Variants in FAM13A observed in about 807,000 individuals in gnomAD.
FAM13A encodes family with sequence similarity 13 member A.
In FAM13A, 76 loss-of-function variants were observed where a neutral mutation model predicts 129.6. The observed-to-expected ratio is 0.59, with a 90% CI of 0.49 to 0.71. The LOEUF (loss-of-function observed/expected upper bound fraction) is 0.71, where lower values mean the gene tolerates loss of function less well. Ranked by LOEUF, FAM13A falls within the 30% of genes least tolerant of loss-of-function variation. The probability of loss-of-function intolerance (pLI) is 0.00; values close to 1 mark genes in which losing one functional copy is unlikely to be tolerated. For synonymous variants in FAM13A, 443 were observed against 449.9 expected (o/e 0.98, Z 0.20); for missense variants, 1,108 against 1,249.3 (o/e 0.89, Z 1.70).
At chr4:88,871,670 T>C (rs1357386778) in intron 6 of FAM13A, among the ~76,000 whole-genome samples, 2 of 152,176 alleles carry the variant, frequency 1.3e-5, no homozygotes, top group Non-Finnish European at 2.9e-5. Context: ...CTACGTTTGA[T>C]TGGTGTATCT....
chr4:88,875,802 A>T (rs1579069948), intron 6 of FAM13A, among the ~76,000 whole-genome samples: 1 of 152,316 alleles, frequency 6.6e-6, no homozygotes, highest in Non-Finnish European at 1.5e-5. Context: ...TATATACCCA[A>T]AGGATTATAA....
chr4:88,908,520 G>A (rs1579222344), intron 5 of FAM13A, among the ~76,000 whole-genome samples: 1 of 152,236 alleles, frequency 6.6e-6, no homozygotes, highest in East Asian at 1.9e-4. Context: ...AAACAGAAGT[G>A]ACAGTATTTC....
intron 4 of FAM13A, among the ~76,000 whole-genome samples, chr4:88,982,614 A>G (rs1310280797): frequency 3.3e-5 from 5 of 152,198 alleles, no homozygotes; most frequent in African/African-American, 1.2e-4. Context: ...TGCTATCCAA[A>G]CCACTGAAAA....
chr4:88,916,638 G>A (rs910447789), intron 5 of FAM13A, among the ~76,000 whole-genome samples: 3 of 152,050 alleles, frequency 2.0e-5, no homozygotes, highest in African/African-American at 7.2e-5. Context: ...TCTGACTCAG[G>A]GCCTTTGTAC....
intron 5 of FAM13A, among the ~76,000 whole-genome samples, chr4:88,918,347 A>C (rs1261037120): frequency 6.6e-6 from 1 of 152,232 alleles, no homozygotes; most frequent in Non-Finnish European, 1.5e-5. Context: ...TTTGATCTTC[A>C]CAACAACCCT....
At chr4:88,914,571 A>T (rs2148684199) in intron 5 of FAM13A, among the ~76,000 whole-genome samples, 1 of 152,218 alleles carries the variant, frequency 6.6e-6, no homozygotes, top group East Asian at 1.9e-4. Flanking sequence ...ATTCATTCTT[A>T]TCTTTCAGCT....
chr4:88,830,680 A>G (rs1200479253), intron 7 of FAM13A, among the ~76,000 whole-genome samples: 1 of 152,154 alleles, frequency 6.6e-6, no homozygotes, highest in Non-Finnish European at 1.5e-5. Context: ...CTATCTGAGT[A>G]GGCTTGCTGG....
Position 88,924,960 on chromosome 4 carries a change from A to G in FAM13A, c.759+13128T>C, listed in dbSNP as rs796808914. Among the ~76,000 whole-genome samples, 5 of 151,636 alleles carry G rather than the reference A, an allele frequency of 3.3e-5. No individual in the cohort carries two copies. In the South Asian group the frequency reaches 8.4e-4, roughly 25 times the overall value. On this transcript the variant is annotated intron_variant, in intron 5 of 23. Transcript: ENST00000264344. Reference sequence around the variant, plus strand: ...CCAAAAGACACATGAAAAAATGCTCATCATCACTGGCCATCAGAGAAATGC... The same window carrying G: ...CCAAAAGACACATGAAAAAATGCTCGTCATCACTGGCCATCAGAGAAATGC...
intron 1 of FAM13A, among the ~76,000 whole-genome samples, chr4:89,043,113 G>T (rs1176299585): frequency 6.6e-6 from 1 of 152,192 alleles, no homozygotes; most frequent in Non-Finnish European, 1.5e-5. Flanking sequence ...AGGACCAGCA[G>T]TGGAAAGCTT....
intron 10 of FAM13A, among the ~76,000 whole-genome samples, chr4:88,783,171 A>G (rs1723281508): frequency 6.6e-6 from 1 of 152,100 alleles, no homozygotes; most frequent in South Asian, 2.1e-4. Context: ...TGTATAATTA[A>G]TTTATTTTTT....
At chr4:88,984,979 T>C (rs1410735056) in intron 4 of FAM13A, among the ~76,000 whole-genome samples, 1 of 152,118 alleles carries the variant, frequency 6.6e-6, no homozygotes, top group Non-Finnish European at 1.5e-5. Flanking sequence ...ACACATGACA[T>C]GTACACAAAT....
intron 10 of FAM13A, among the ~76,000 whole-genome samples, chr4:88,784,329 G>A (rs977457036): frequency 6.6e-6 from 1 of 152,132 alleles, no homozygotes; most frequent in Non-Finnish European, 1.5e-5. Flanking sequence ...GAAGACTTCA[G>A]GGGCACTTTA....
chr4:88,875,839 C>T (rs1298678100), intron 6 of FAM13A, among the ~76,000 whole-genome samples: 1 of 152,126 alleles, frequency 6.6e-6, no homozygotes, highest in Non-Finnish European at 1.5e-5. Flanking sequence ...GATACTTGCA[C>T]ACGTATGTTT....
intron 4 of FAM13A, among the ~76,000 whole-genome samples, chr4:88,945,677 G>T (rs1755551378): frequency 6.7e-6 from 1 of 148,826 alleles, no homozygotes; most frequent in East Asian, 1.9e-4. Context: ...TTGTACTAGT[G>T]GTCTGTGAGA....
At chr4:89,033,157 CTAAT>C (rs1258637528) in intron 1 of FAM13A, among the ~76,000 whole-genome samples, 6 of 149,032 alleles carry the variant, frequency 4.0e-5, no homozygotes, top group East Asian at 2.0e-4. Context: ...CTCTCTCTCT[CTAAT>C]TGATTAAAAT....
At chr4:88,963,973 T>C (rs901579221) in intron 4 of FAM13A, among the ~76,000 whole-genome samples, 5 of 152,090 alleles carry the variant, frequency 3.3e-5, no homozygotes, top group African/African-American at 4.8e-5. Flanking sequence ...CACTGAACAA[T>C]AGCACTAAAG....
intron 4 of FAM13A, among the ~76,000 whole-genome samples, chr4:88,957,357 C>T (rs959665493): frequency 6.6e-6 from 1 of 152,034 alleles, no homozygotes; most frequent in Non-Finnish European, 1.5e-5. Flanking sequence ...GCACCTCCCT[C>T]CCACCCCACA....
intron 6 of FAM13A, among the ~76,000 whole-genome samples, chr4:88,893,887 G>T (rs1186179417): frequency 6.6e-6 from 1 of 151,400 alleles, no homozygotes; most frequent in Non-Finnish European, 1.5e-5. Context: ...ATTCTCTCCT[G>T]AAGTAACACT....
intron 4 of FAM13A, among the ~76,000 whole-genome samples, chr4:88,969,987 G>A (rs1308094014): frequency 3.3e-5 from 5 of 152,064 alleles, no homozygotes; most frequent in African/African-American, 1.2e-4. Context: ...GACAATCTCT[G>A]GATTCCCAAC....
Sources: allele counts gnomAD v4.1 joint callset (sites outside exome capture counted in the v4.1 genomes callset), GRCh38; gene constraint gnomAD v4.1.1; transcripts MANE v1.5; gene names NCBI Gene and HGNC (gene_info 2026-07-23, HGNC 2026-07-21).